Variants in TMEM232 observed in about 807,000 individuals in gnomAD.
TMEM232 encodes transmembrane protein 232.
A neutral mutation model predicts 78.8 loss-of-function variants in TMEM232; 80 were observed. The observed-to-expected ratio is 1.01, with a 90% CI of 0.85 to 1.22. TMEM232 has a LOEUF of 1.22. TMEM232 is among the 50% of genes most tolerant of loss of function. The pLI is 0.00. For synonymous variants in TMEM232, 297 were observed against 254.3 expected (o/e 1.17, Z -1.60); for missense variants, 881 against 742.2 (o/e 1.19, Z -2.17).
At chr5:110,635,379 A>G (rs1176241846) in intron 5 of TMEM232, among the ~76,000 whole-genome samples, 1 of 152,002 alleles carries the variant, frequency 6.6e-6, no homozygotes, top group Non-Finnish European at 1.5e-5. Flanking sequence ...AAGGTGCAAC[A>G]AAGAAAGAAA....
intron 12 of TMEM232, among the ~76,000 whole-genome samples, chr5:110,459,599 T>C (rs911244057): frequency 1.3e-5 from 2 of 152,126 alleles, no homozygotes; most frequent in Non-Finnish European, 2.9e-5. Flanking sequence ...ATAATAGTAA[T>C]GTAAGAAATA....
intron 10 of TMEM232, among the ~76,000 whole-genome samples, chr5:110,579,175 G>A (rs1777890835): frequency 6.6e-6 from 1 of 151,460 alleles, no homozygotes; most frequent in African/African-American, 2.4e-5. Context: ...AATTTTGCCT[G>A]CCAGAAGGGA....
intron 12 of TMEM232, among the ~76,000 whole-genome samples, chr5:110,518,118 T>C (rs1768948770): frequency 7.6e-6 from 1 of 132,034 alleles, no homozygotes; most frequent in African/African-American, 4.1e-5. Flanking sequence ...ATTTCCTCTA[T>C]GTCTACTCTC....
At chr5:110,623,258 C>T (rs563956455) in intron 7 of TMEM232, among the ~76,000 whole-genome samples, 2 of 152,074 alleles carry the variant, frequency 1.3e-5, no homozygotes, top group East Asian at 1.9e-4. Flanking sequence ...CCTAATGTAT[C>T]GTAATATCCT....
At chr5:110,414,496 T>G (rs184567779), downstream of TMEM232, among the ~76,000 whole-genome samples, 1 of 152,312 alleles carries the variant, frequency 6.6e-6, no homozygotes, top group African/African-American at 2.4e-5. Context: ...AGAGGCAAAT[T>G]TAATTTTATA....
chr5:110,568,430 C>G lies in TMEM232; in HGVS notation c.1455+17G>C. On this transcript the variant is annotated intron_variant, in intron 11 of 13. Transcript: ENST00000455884. ...AATGATAGATGTACATATTTATTGCCCAGTGTTTTACCTTACCTGAGCTAT... is the reference window on the plus strand; with the variant it reads ...AATGATAGATGTACATATTTATTGCGCAGTGTTTTACCTTACCTGAGCTAT... 7 of 1,512,862 alleles carry G rather than the reference C, an allele frequency of 4.6e-6. No homozygotes were observed. Among genetic ancestry groups the G allele is most frequent in the Non-Finnish European group, 6.2e-6 (7 of 1,132,322 alleles). The allele number at this position is 1,512,862 out of a possible 1,614,324, so 93.7% of individuals were successfully genotyped here. A position where few individuals can be genotyped will look rare whatever the true frequency, so the allele number is the denominator to read the frequency against.
At position 110,568,431 on chromosome 5, in the gene TMEM232, C is replaced by T; in HGVS notation, c.1455+16G>A. Reference sequence around the variant, plus strand: ...ATGATAGATGTACATATTTATTGCCCAGTGTTTTACCTTACCTGAGCTATA... The same window carrying T: ...ATGATAGATGTACATATTTATTGCCTAGTGTTTTACCTTACCTGAGCTATA... On this transcript the variant is annotated intron_variant, in intron 11 of 13. Coordinates refer to ENST00000455884, the MANE Select transcript of TMEM232 (RefSeq NM_001039763.4). 6.6e-7 allele frequency: 1 copy of T among 1,512,686 alleles called. No individual in the cohort carries two copies. Among genetic ancestry groups the T allele is most frequent in the Non-Finnish European group, 8.8e-7 (1 of 1,132,278 alleles). 93.7% of individuals were successfully genotyped at this position (1,512,686 alleles called of 1,614,324 possible).
intron 1 of TMEM232, among the ~76,000 whole-genome samples, chr5:110,675,562 A>T (rs1273884476): frequency 3.3e-5 from 5 of 152,206 alleles, no homozygotes; most frequent in Non-Finnish European, 5.9e-5. Context: ...CATCTGGATG[A>T]TCTTAGAAGT....
chr5:110,650,152 T>C (rs919452268), intron 2 of TMEM232, among the ~76,000 whole-genome samples: 3 of 152,224 alleles, frequency 2.0e-5, no homozygotes, highest in Non-Finnish European at 2.9e-5. Context: ...TCTTTGTTCA[T>C]TGTTATGATA....
intron 2 of TMEM232, among the ~76,000 whole-genome samples, chr5:110,400,369 A>G (rs1380958833): frequency 6.6e-6 from 1 of 152,136 alleles, no homozygotes; most frequent in Non-Finnish European, 1.5e-5. Flanking sequence ...TAAATAACAT[A>G]ATGAAGAAAA....
chr5:110,460,644 T>C (rs1388689762), intron 12 of TMEM232, among the ~76,000 whole-genome samples: 1 of 151,908 alleles, frequency 6.6e-6, no homozygotes, highest in African/African-American at 2.4e-5. Flanking sequence ...CTTTGCTTTA[T>C]TGAATTGCAC....
At chr5:110,616,964 A>G (rs1170516015) in intron 8 of TMEM232, among the ~76,000 whole-genome samples, 1 of 152,220 alleles carries the variant, frequency 6.6e-6, no homozygotes, top group Admixed American at 6.5e-5. Context: ...TATGTTGAAG[A>G]GATAACTGAA....
intron 12 of TMEM232, among the ~76,000 whole-genome samples, chr5:110,434,959 A>C (rs1001865866): frequency 1.3e-5 from 2 of 151,836 alleles, no homozygotes; most frequent in African/African-American, 4.8e-5. Context: ...ATCCCTCAAA[A>C]CCCCCAGCCA....
chr5:110,667,435 T>C, intron 1 of TMEM232, 71 bp from the exon 2 acceptor site: 3 of 1,248,896 alleles, frequency 2.4e-6, no homozygotes, highest in East Asian at 2.9e-5. Context: ...TTATGCAAAT[T>C]CATTATTTTT....
chr5:110,389,481 T>G (rs1755103933), intron 4 of TMEM232, among the ~76,000 whole-genome samples: 1 of 152,196 alleles, frequency 6.6e-6, no homozygotes, highest in African/African-American at 2.4e-5. Flanking sequence ...GATAAAGAAT[T>G]TGAGAAAATT....
chr5:110,616,150 T>C (rs543702926), intron 8 of TMEM232, among the ~76,000 whole-genome samples: 75 of 152,030 alleles, frequency 4.9e-4, no homozygotes, highest in African/African-American at 1.7e-3. Context: ...GCTGGAAACA[T>C]TGCAAAACTG....
chr5:110,413,235 G>A (rs1037475722), intron 2 of TMEM232, among the ~76,000 whole-genome samples: 3 of 152,152 alleles, frequency 2.0e-5, no homozygotes, highest in African/African-American at 4.8e-5. Flanking sequence ...TTGCCTCCAT[G>A]TTTCTCCCGT....
chr5:110,388,762 A>C (rs1007156843), intron 4 of TMEM232, among the ~76,000 whole-genome samples: 1 of 152,210 alleles, frequency 6.6e-6, no homozygotes, highest in Non-Finnish European at 1.5e-5. Context: ...AAATACATAG[A>C]ACCCAAGACT....
chr5:110,612,140 C>T (rs1052652374), intron 8 of TMEM232, among the ~76,000 whole-genome samples: 5 of 152,068 alleles, frequency 3.3e-5, no homozygotes, highest in Non-Finnish European at 5.9e-5. Flanking sequence ...TTTTCAAAAG[C>T]TCTTTGAGGT....
Sources: gnomAD v4.1 joint callset for allele counts (sites outside exome capture counted in the v4.1 genomes callset) on GRCh38, gnomAD v4.1.1 for gene constraint, MANE v1.5 for transcripts, NCBI Gene and HGNC (gene_info 2026-07-23, HGNC 2026-07-21) for gene names.